RAP1GDS1: variants seen among roughly 807,000 people sequenced by gnomAD.
RAP1GDS1 encodes the protein RAP1, GTP-GDP dissociation stimulator 1.
RAP1GDS1 carries 35 observed loss-of-function variants against 71.1 expected under a neutral mutation model. The ratio of observed to expected loss-of-function variants is 0.49; its 90% CI spans 0.38 to 0.65. RAP1GDS1 has a LOEUF of 0.65. Ranked by LOEUF, RAP1GDS1 falls within the 30% of genes least tolerant of loss-of-function variation. The pLI is 0.00. For missense variants in RAP1GDS1, 663 were observed against 706.1 expected (o/e 0.94, Z 0.69); for synonymous variants, 229 against 243.1 (o/e 0.94, Z 0.54).
chr4:98,380,900 TA>T (rs1389729602), intron 5 of RAP1GDS1, among the ~76,000 whole-genome samples: 6 of 150,990 alleles, frequency 4.0e-5, no homozygotes, highest in Middle Eastern at 3.4e-3. Flanking sequence ...AGGAAGCTGT[TA>T]AAAAAAAATC....
Position 98,442,190 on chromosome 4 carries a change from T to A in RAP1GDS1, c.*73T>A. The A allele has an allele frequency of 6.4e-7, 1 of 1,569,816 alleles. No homozygotes were observed. Among genetic ancestry groups the A allele is most frequent in the Non-Finnish European group, 8.6e-7 (1 of 1,159,742 alleles). On this transcript the variant is annotated 3_prime_UTR_variant, in exon 15 of 15. Transcript: ENST00000408927. Reference sequence around the variant, plus strand: ...CCTCCATCCAGCGGCTTCTTCCGCTTCATTCTCTACCATACCACTTGTGCA... The same window carrying A: ...CCTCCATCCAGCGGCTTCTTCCGCTACATTCTCTACCATACCACTTGTGCA...
chr4:98,314,448 C>A (rs1442092655), intron 2 of RAP1GDS1, among the ~76,000 whole-genome samples: 2 of 152,168 alleles, frequency 1.3e-5, no homozygotes, highest in African/African-American at 4.8e-5. Flanking sequence ...ATCCTCTTTT[C>A]TCTTAGGAGT....
intron 4 of RAP1GDS1, among the ~76,000 whole-genome samples, chr4:98,371,004 C>A (rs904935869): frequency 6.6e-6 from 1 of 152,058 alleles, no homozygotes; most frequent in Non-Finnish European, 1.5e-5. Context: ...TAATAAGCAT[C>A]TGTTCTGTGA....
At position 98,420,004 on chromosome 4, in the gene RAP1GDS1, TC is replaced by T. The variant is rs2110190479; in HGVS notation, c.1175-14del. The stretch of plus-strand genomic sequence containing the variant: ...TGCTAATACCATTTTAACCATAGTC[TC>T]TCTTTTTCTCCAGTTATAAATAAAG... On this transcript the variant is annotated splice_polypyrimidine_tract_variant and intron_variant, in intron 10 of 14. Transcript: ENST00000408927. The T allele has an allele frequency of 6.3e-7, 1 of 1,580,776 alleles. No individual in the cohort carries two copies. The highest frequency in any genetic ancestry group is 2.3e-5 in the East Asian group (1 of 43,956).
Position 98,391,957 on chromosome 4 carries a change from C to T in RAP1GDS1, c.514C>T (p.Leu172Phe). 6.3e-7 allele frequency: 1 copy of T among 1,590,300 alleles called. No individual in the cohort carries two copies. Among genetic ancestry groups the T allele is most frequent in the Non-Finnish European group, 8.5e-7 (1 of 1,171,460 alleles). The change falls in exon 6 of 15, where the codon CTT (leucine) becomes TTT (phenylalanine). Residue 172 changes from leucine (L) to phenylalanine (F), a missense_variant. Transcript: ENST00000408927. ...TTTTTTTTTTGTTTTTACAGATTCG[C>T]TTCAAGCTCAGCTTATCAATATGGG... Reference protein sequence around the residue: ...LMNYSNENDSLQAQLINMGVI... With the variant: ...LMNYSNENDSFQAQLINMGVI...
rs1748834631 is a variant in RAP1GDS1 at position 98,421,388 on chromosome 4, A to C, written c.1434A>C (p.Lys478Asn). The change falls in exon 12 of 15, where the codon AAA becomes AAC. Residue 478 changes from lysine to asparagine, a missense_variant. Coordinates refer to ENST00000408927, the MANE Select transcript of RAP1GDS1 (RefSeq NM_001100427.2). ...TGTCTGCCCTTATACGACACAGTAA[A>C]TCAAAAGTAAGTTCCAGAGGAAACT... ...RLLSALIRHS[K>N]SKDVIKTIVQ... 2 of 1,593,128 alleles carry C rather than the reference A, an allele frequency of 1.3e-6. No individual in the cohort carries two copies. The highest frequency in any genetic ancestry group is 2.3e-5 in the South Asian group (2 of 86,360).
intron 9 of RAP1GDS1, 73 bp downstream of exon 9, chr4:98,417,571 A>G: frequency 2.7e-6 from 4 of 1,460,030 alleles, no homozygotes; most frequent in Non-Finnish European, 3.8e-6. Flanking sequence ...TACCACATAT[A>G]CTAAAACTGG....
At chr4:98,268,049 CTG>C (rs1722941891) in intron 1 of RAP1GDS1, among the ~76,000 whole-genome samples, 1 of 152,108 alleles carries the variant, frequency 6.6e-6, no homozygotes, top group South Asian at 2.1e-4. Context: ...AATAGCCATT[CTG>C]ACTGGTGTGA....
chr4:98,401,461 AAACT>A (rs1169270387), intron 6 of RAP1GDS1, among the ~76,000 whole-genome samples: 1 of 152,174 alleles, frequency 6.6e-6, no homozygotes, highest in Non-Finnish European at 1.5e-5. Flanking sequence ...AATGCCAAAT[AAACT>A]AGCAGTACAA....
chr4:98,428,978 G>A (rs1181967601), intron 12 of RAP1GDS1, among the ~76,000 whole-genome samples: 1 of 152,164 alleles, frequency 6.6e-6, no homozygotes, highest in Non-Finnish European at 1.5e-5. Flanking sequence ...AAACTATGGG[G>A]CCAGGCATGG....
At chr4:98,317,736 A>G (rs1021599391) in intron 2 of RAP1GDS1, among the ~76,000 whole-genome samples, 5 of 151,650 alleles carry the variant, frequency 3.3e-5, no homozygotes, top group Non-Finnish European at 7.4e-5. Flanking sequence ...GGAGAGGGAG[A>G]TAGTTTTTTG....
At position 98,391,929 on chromosome 4, in the gene RAP1GDS1, T is replaced by C. The variant is rs781439075; in HGVS notation, c.509-23T>C. 4.5e-6 allele frequency: 7 copies of C among 1,558,126 alleles called. No individual in the cohort carries two copies. In the Admixed American group the frequency reaches 6.0e-5, roughly 13 times the overall value. On this transcript the variant is annotated intron_variant, in intron 5 of 14. Transcript: ENST00000408927. ...CATGTCAACACTTTCTTTTCTGTTG[T>C]TGTTTTTTTTTTGTTTTTACAGATT...
chr4:98,279,157 G>C (rs1052683822), intron 1 of RAP1GDS1, among the ~76,000 whole-genome samples: 1 of 152,090 alleles, frequency 6.6e-6, no homozygotes, highest in Non-Finnish European at 1.5e-5. Context: ...CCAGGAGGCA[G>C]AGCTTGCAGT....
chr4:98,333,510 C>A (rs923142522), intron 2 of RAP1GDS1, among the ~76,000 whole-genome samples: 1 of 151,958 alleles, frequency 6.6e-6, no homozygotes, highest in Non-Finnish European at 1.5e-5. Flanking sequence ...AGCAAACTTA[C>A]AATTATGTTC....
intron 2 of RAP1GDS1, among the ~76,000 whole-genome samples, chr4:98,294,475 A>G (rs1727429902): frequency 6.6e-6 from 1 of 152,136 alleles, no homozygotes. Context: ...TAATTATTTT[A>G]GATTACAACT....
intron 2 of RAP1GDS1, among the ~76,000 whole-genome samples, chr4:98,296,241 T>C (rs959242154): frequency 6.6e-6 from 1 of 152,124 alleles, no homozygotes; most frequent in Admixed American, 6.6e-5. Context: ...TCTATTACCC[T>C]GTTACTGGAA....
At chr4:98,349,219 T>C (rs546221551) in intron 3 of RAP1GDS1, among the ~76,000 whole-genome samples, 4 of 152,346 alleles carry the variant, frequency 2.6e-5, no homozygotes, top group Non-Finnish European at 4.4e-5. Context: ...ATTTGTTAAA[T>C]AGGGAATCCT....
chr4:98,370,167 T>TG (rs1350978789), intron 4 of RAP1GDS1, among the ~76,000 whole-genome samples: 1 of 152,170 alleles, frequency 6.6e-6, no homozygotes, highest in Non-Finnish European at 1.5e-5. Context: ...GTTCAATGTA[T>TG]GAAACATAGT....
intron 2 of RAP1GDS1, among the ~76,000 whole-genome samples, chr4:98,295,904 T>C (rs1727667152): frequency 6.6e-6 from 1 of 152,162 alleles, no homozygotes; most frequent in South Asian, 2.1e-4. Context: ...AAGTAAAATA[T>C]ATTAGTGAGA....
Sources: gnomAD v4.1 joint callset for allele counts (sites outside exome capture counted in the v4.1 genomes callset) on GRCh38, gnomAD v4.1.1 for gene constraint, MANE v1.5 for transcripts, NCBI Gene and HGNC (gene_info 2026-07-23, HGNC 2026-07-21) for gene names.